Variants in RUFY3 observed in about 807,000 individuals in gnomAD.
RUFY3 encodes RUN and FYVE domain containing 3, also known as protein RUFY3.
In RUFY3, 34 loss-of-function variants were observed where a neutral mutation model predicts 84.0. The observed-to-expected ratio is 0.40, with a 90% CI of 0.31 to 0.54. RUFY3 has a LOEUF of 0.54. Ranked by LOEUF, RUFY3 falls within the 20% of genes least tolerant of loss-of-function variation. The pLI is 0.39. For synonymous variants in RUFY3, 242 were observed against 252.9 expected (o/e 0.96, Z 0.41); for missense variants, 507 against 736.8 (o/e 0.69, Z 3.61).
chr4:70,746,123 C>T (rs1455166591), intron 1 of RUFY3, among the ~76,000 whole-genome samples: 1 of 151,872 alleles, frequency 6.6e-6, no homozygotes, highest in Non-Finnish European at 1.5e-5. Flanking sequence ...GTGGGCGGAT[C>T]ACTTGATGCC....
intron 15 of RUFY3, among the ~76,000 whole-genome samples, chr4:70,800,711 G>A (rs1002401586): frequency 2.6e-5 from 4 of 151,806 alleles, no homozygotes; most frequent in South Asian, 2.1e-4. Flanking sequence ...GGTGAAACCC[G>A]GTCTCTACTA....
chr4:70,801,183 C>T (rs1732185909), intron 15 of RUFY3, among the ~76,000 whole-genome samples: 1 of 145,832 alleles, frequency 6.9e-6, no homozygotes, highest in African/African-American at 2.5e-5. Context: ...AAAAAAAAAT[C>T]AGTGGTTGCC....
intron 1 of RUFY3, among the ~76,000 whole-genome samples, chr4:70,743,741 T>TA (rs1172314187): frequency 6.6e-6 from 1 of 152,124 alleles, no homozygotes; most frequent in African/African-American, 2.4e-5. Flanking sequence ...AGTCAAGTGA[T>TA]ATATGGTAAT....
chr4:70,761,199 A>G (rs984272369), intron 1 of RUFY3, among the ~76,000 whole-genome samples: 4 of 152,176 alleles, frequency 2.6e-5, no homozygotes, highest in African/African-American at 4.8e-5. Flanking sequence ...GGCATAAGGT[A>G]AAGAGAGCAT....
chr4:70,777,998 G>A (rs1341714716), intron 7 of RUFY3, among the ~76,000 whole-genome samples: 2 of 152,158 alleles, frequency 1.3e-5, no homozygotes, highest in African/African-American at 2.4e-5. Context: ...CTGGGAGGCC[G>A]AGGCAGGTGG....
At chr4:70,733,172 AAG>A (rs1449556589) in intron 1 of RUFY3, among the ~76,000 whole-genome samples, 33 of 137,584 alleles carry the variant, frequency 2.4e-4, no homozygotes, top group African/African-American at 5.8e-4. Flanking sequence ...GAGAGAAAGA[AAG>A]AAAGAAAAAT....
intron 1 of RUFY3, among the ~76,000 whole-genome samples, chr4:70,745,167 A>G (rs1455630954): frequency 1.3e-5 from 2 of 148,664 alleles, no homozygotes; most frequent in Non-Finnish European, 3.0e-5. Flanking sequence ...GATGGTCTCA[A>G]TCTCCTGACC....
rs1732898728 is a variant in RUFY3 at position 70,806,796 on chromosome 4, A to G, written c.*137A>G. 3.7e-6 allele frequency: 4 copies of G among 1,078,114 alleles called. No individual in the cohort carries two copies. The highest frequency in any genetic ancestry group is 5.2e-6 in the Non-Finnish European group (4 of 762,912). 66.8% of individuals were successfully genotyped at this position (1,078,114 alleles called of 1,614,324 possible). ...AGGAATTTACTAGGTCCAGGGAGAA[A>G]AGGCAGTGGTTGGGGTTACTGGAAA... is the stretch of plus-strand genomic sequence containing the variant. On this transcript the variant is annotated 3_prime_UTR_variant, in exon 18 of 18. Coordinates refer to ENST00000381006, the MANE Select transcript of RUFY3 (RefSeq NM_001037442.4).
chr4:70,799,838 C>T lies in RUFY3; in HGVS notation c.1558-303C>T, dbSNP rs1435063294. 1.3e-4 allele frequency: 36 copies of T among 269,766 alleles called. No individual in the cohort carries two copies. In the Admixed American group the frequency reaches 1.9e-3, roughly 14 times the overall value. The allele number at this position is 269,766 out of a possible 1,614,324, so 16.7% of individuals were successfully genotyped here. The stretch of plus-strand genomic sequence containing the variant: ...GAAAAGAAAAAAAAAATTATACTTC[C>T]CCTAAGAAGTAACTGATATCTGGAG... On this transcript the variant is annotated intron_variant, in intron 14 of 17. Coordinates refer to ENST00000381006, the MANE Select transcript of RUFY3 (RefSeq NM_001037442.4).
In RUFY3 at chr4:70,807,531, G is replaced by A. The variant is rs10010312; in HGVS notation, c.*872G>A. Among the ~76,000 whole-genome samples, 1,117 of 152,224 alleles carry A rather than the reference G, an allele frequency of 7.3e-3. 4 individuals carry two copies. Among genetic ancestry groups the A allele is most frequent in the Non-Finnish European group, 0.011 (770 of 67,996 alleles). On this transcript the variant is annotated 3_prime_UTR_variant, in exon 18 of 18. Coordinates refer to ENST00000381006, the MANE Select transcript of RUFY3 (RefSeq NM_001037442.4). ...ATATAGAGTAAAATAAGTTTAATTT[G>A]TTTTCTTAAGACAGGGTCTTGCTCT... is the stretch of plus-strand genomic sequence containing the variant.
chr4:70,806,487 A>C, intron 17 of RUFY3, 29 bp from the exon 18 acceptor site: 1 of 1,612,574 alleles, frequency 6.2e-7, no homozygotes, highest in South Asian at 1.1e-5. Context: ...CTCATCTTCT[A>C]TTCCCCGCCT....
chr4:70,773,582 A>G lies in RUFY3; in HGVS notation c.758+10A>G. Reference sequence around the variant, plus strand: ...GTAAAGGTACTGAAGGGTACGTACAAAGAAAATTAGATTTCTTTTCTCCTG... The same window carrying G: ...GTAAAGGTACTGAAGGGTACGTACAGAGAAAATTAGATTTCTTTTCTCCTG... On this transcript the variant is annotated intron_variant, in intron 6 of 17. Coordinates refer to ENST00000381006, the MANE Select transcript of RUFY3 (RefSeq NM_001037442.4). The G allele has an allele frequency of 6.3e-7, 1 of 1,596,578 alleles. No individual in the cohort carries two copies. The highest frequency in any genetic ancestry group is 1.1e-5 in the South Asian group (1 of 89,940).
chr4:70,787,345 C>T (rs1200989797), intron 10 of RUFY3, among the ~76,000 whole-genome samples: 1 of 149,092 alleles, frequency 6.7e-6, no homozygotes, highest in Non-Finnish European at 1.5e-5. Flanking sequence ...GCAACCTCCG[C>T]CTCCCAGGTT....
chr4:70,784,487 A>G (rs1729463285), intron 9 of RUFY3, among the ~76,000 whole-genome samples: 2 of 152,138 alleles, frequency 1.3e-5, no homozygotes, highest in African/African-American at 2.4e-5. Flanking sequence ...CGTCTCAAAA[A>G]AGAAAAAAAA....
intron 16 of RUFY3, chr4:70,803,226 G>A (rs13150504): frequency 2.6e-6 from 1 of 388,958 alleles, no homozygotes; most frequent in Non-Finnish European, 4.6e-6. Context: ...ATAAGATCTA[G>A]GAGAGCTCAC....
intron 15 of RUFY3, among the ~76,000 whole-genome samples, chr4:70,802,087 CTG>C (rs1304026142): frequency 3.9e-5 from 6 of 152,190 alleles, no homozygotes; most frequent in African/African-American, 1.4e-4. Context: ...GATGAGAAAA[CTG>C]AGAAGCAGAG....
Position 70,773,547 on chromosome 4 carries a change from G to A in RUFY3, c.733G>A (p.Gly245Arg), listed in dbSNP as rs1322334303. 1.9e-6 allele frequency: 3 copies of A among 1,611,314 alleles called. No individual in the cohort carries two copies. Among genetic ancestry groups the A allele is most frequent in the East Asian group, 2.2e-5 (1 of 44,750 alleles). The part of the protein sequence containing the change: ...VIDFSMYLKD[G>R]NSSKGTEGDG... ...AGATTTTTCAATGTATCTCAAGGACGGGAACAGCAGTAAAGGTACTGAAGG... is the reference window on the plus strand; with the variant it reads ...AGATTTTTCAATGTATCTCAAGGACAGGAACAGCAGTAAAGGTACTGAAGG... Residue 245 changes from glycine to arginine, a missense_variant, in exon 6 of 18, where the codon GGG (glycine) becomes AGG (arginine). Coordinates refer to ENST00000381006, the MANE Select transcript of RUFY3 (RefSeq NM_001037442.4).
At chr4:70,746,981 C>G (rs978601302) in intron 1 of RUFY3, among the ~76,000 whole-genome samples, 3 of 152,186 alleles carry the variant, frequency 2.0e-5, no homozygotes, top group African/African-American at 7.2e-5. Flanking sequence ...AGTGTCTTGA[C>G]TGTAATTCAA....
At chr4:70,747,156 G>C (rs1722366573) in intron 1 of RUFY3, among the ~76,000 whole-genome samples, 2 of 152,138 alleles carry the variant, frequency 1.3e-5, no homozygotes, top group African/African-American at 4.8e-5. Flanking sequence ...CTTTTCCCAA[G>C]GTCACACAGC....
Sources: gnomAD v4.1 joint callset for allele counts (sites outside exome capture counted in the v4.1 genomes callset) on GRCh38, gnomAD v4.1.1 for gene constraint, MANE v1.5 for transcripts, NCBI Gene and HGNC (gene_info 2026-07-23, HGNC 2026-07-21) for gene names.